Variants in COL5A1 observed in about 807,000 individuals in gnomAD.
COL5A1 encodes the protein collagen alpha-1(V) chain.
COL5A1 carries 16 observed loss-of-function variants against 263.7 expected under a neutral mutation model. The ratio of observed to expected loss-of-function variants is 0.06; its 90% CI spans 0.04 to 0.09. The LOEUF (loss-of-function observed/expected upper bound fraction) is 0.09. Ranked by LOEUF, COL5A1 falls within the 10% of genes least tolerant of loss-of-function variation. The probability of loss-of-function intolerance (pLI) is 1.00; values close to 1 mark genes in which losing one functional copy is unlikely to be tolerated. For synonymous variants in COL5A1, 1,012 were observed against 1,004.5 expected (o/e 1.01, Z -0.14); for missense variants, 2,036 against 2,540.5 (o/e 0.80, Z 4.27).
At chr9:134,706,411 C>G (rs1487166061) in intron 4 of COL5A1, among the ~76,000 whole-genome samples, 1 of 152,158 alleles carries the variant, frequency 6.6e-6, no homozygotes, top group Non-Finnish European at 1.5e-5. Context: ...TTTTCAGAAA[C>G]ATGGCCTCAG....
intron 16 of COL5A1, 110 bp from the exon 17 acceptor site, chr9:134,756,655 G>A (rs1339831580): frequency 1.7e-6 from 2 of 1,189,562 alleles, no homozygotes; most frequent in East Asian, 2.3e-5. Flanking sequence ...CCTTGGGGGT[G>A]GGCGCGGCTC....
At chr9:134,693,559 C>G (rs950083171) in intron 2 of COL5A1, among the ~76,000 whole-genome samples, 1 of 152,146 alleles carries the variant, frequency 6.6e-6, no homozygotes, top group Admixed American at 6.5e-5. Context: ...GCAGGGCTGT[C>G]TACGGAGTCC....
chr9:134,824,006 T>C (rs1042675707), intron 61 of COL5A1, among the ~76,000 whole-genome samples: 4 of 148,124 alleles, frequency 2.7e-5, no homozygotes, highest in African/African-American at 1.0e-4. Flanking sequence ...ATGTCTGGGA[T>C]ATATGTGCAT....
At chr9:134,746,227 G>A (rs1835507548) in intron 11 of COL5A1, among the ~76,000 whole-genome samples, 1 of 152,150 alleles carries the variant, frequency 6.6e-6, no homozygotes, top group African/African-American at 2.4e-5. Flanking sequence ...GCCTGCCCAG[G>A]GTCGGGCCTG....
In COL5A1 at chr9:134,835,180, C is replaced by A; in HGVS notation, c.5346C>A (p.Ile1782=). 6.2e-7 allele frequency: 1 copy of A among 1,613,744 alleles called. No individual in the cohort carries two copies. Among genetic ancestry groups the A allele is most frequent in the South Asian group, 1.1e-5 (1 of 91,090 alleles). Residue 1782 remains isoleucine (I), a synonymous_variant, in exon 65 of 66, where the codon ATC becomes ATA. Coordinates refer to ENST00000371817, the MANE Select transcript of COL5A1 (RefSeq NM_000093.5). The part of the protein sequence containing the change: ...EEMSYDNNPY[I]RALVDGCATK... ...TGTCCTATGACAACAACCCCTACAT[C>A]CGCGCCCTGGTGGACGGCTGTGCTG...
At chr9:134,816,862 G>A (rs954354300) in intron 52 of COL5A1, among the ~76,000 whole-genome samples, 164 bp from the exon 53 acceptor site, 10 of 152,192 alleles carry the variant, frequency 6.6e-5, no homozygotes, top group Non-Finnish European at 1.5e-4. Context: ...GTCACAGCCC[G>A]GGTGCGACAC....
At chr9:134,726,364 A>G (rs934490073) in intron 4 of COL5A1, among the ~76,000 whole-genome samples, 1 of 151,438 alleles carries the variant, frequency 6.6e-6, no homozygotes, top group Non-Finnish European at 1.5e-5. Flanking sequence ...GGATGTATGT[A>G]TCTGGATGGA....
rs1380508934 is a variant in COL5A1 at position 134,681,768 on chromosome 9, T to C, written c.110-9144T>C. ...TAAAATTAGAGTTCTAGCCCGAGAATTGTGAAGACCTCAAGCTTGGGGTTA... is the reference window on the plus strand; with the variant it reads ...TAAAATTAGAGTTCTAGCCCGAGAACTGTGAAGACCTCAAGCTTGGGGTTA... On this transcript the variant is annotated intron_variant, in intron 1 of 65. Transcript: ENST00000371817. The surrounding 1 kb of genome is among the most constrained non-coding windows in gnomAD (Gnocchi z 4.3). Among the ~76,000 whole-genome samples, 1 of 152,160 alleles carries C rather than the reference T, an allele frequency of 6.6e-6. No homozygotes were observed. Among genetic ancestry groups the C allele is most frequent in the East Asian group, 1.9e-4 (1 of 5,190 alleles).
At chr9:134,767,251 G>C in intron 23 of COL5A1, 59 bp from the exon 24 acceptor site, 2 of 1,562,426 alleles carry the variant, frequency 1.3e-6, no homozygotes, top group Non-Finnish European at 1.8e-6. Flanking sequence ...GATGGCAGGG[G>C]AGGGTTCTGA....
At chr9:134,800,555 G>C (rs1027376332) in intron 37 of COL5A1, among the ~76,000 whole-genome samples, 2 of 152,054 alleles carry the variant, frequency 1.3e-5, no homozygotes, top group African/African-American at 2.4e-5. Context: ...GACCAGCCCG[G>C]CCAACATGGT....
rs979632912 is a variant in COL5A1 at position 134,794,916 on chromosome 9, C to T, written c.2701-166C>T. ...TCGGGTGTGCGGTGAGCTTCTCGCC[C>T]TGATAAATCTCCTATTAAAACACGG... On this transcript the variant is annotated intron_variant, in intron 32 of 65. Transcript: ENST00000371817. This position sits in a 1 kb window ranked among gnomAD's most constrained non-coding sequence, Gnocchi z 4.3. Among the ~76,000 whole-genome samples, 2 of 152,176 alleles carry T rather than the reference C, an allele frequency of 1.3e-5. No individual in the cohort carries two copies. Among genetic ancestry groups the T allele is most frequent in the Non-Finnish European group, 2.9e-5 (2 of 68,036 alleles).
At chr9:134,790,628 A>ATCCATCCG (rs2132789480) in intron 32 of COL5A1, among the ~76,000 whole-genome samples, 1 of 134,832 alleles carries the variant, frequency 7.4e-6, no homozygotes, top group South Asian at 2.6e-4. Flanking sequence ...CCATCCATCC[A>ATCCATCCG]TCCATCCATC....
In COL5A1 at chr9:134,802,995, G is replaced by A. The variant is rs754386388; in HGVS notation, c.3114G>A (p.Lys1038=). ...GCCTTGCTGGAAAAGAAGGGACGAA[G>A]GTGAGTTTCTGGAGCCTTCTGTGTC... ...LPGLAGKEGT[K]GDPGPAGLPG... The change falls in exon 39 of 66, where the codon AAG becomes AAA. Residue 1038 remains lysine, a splice_region_variant and synonymous_variant. Transcript: ENST00000371817. 6.3e-7 allele frequency: 1 copy of A among 1,596,164 alleles called. No homozygotes were observed. The highest frequency in any genetic ancestry group is 8.5e-7 in the Non-Finnish European group (1 of 1,171,556).
At chr9:134,734,837 G>C (rs1438054978) in intron 9 of COL5A1, among the ~76,000 whole-genome samples, 1 of 152,218 alleles carries the variant, frequency 6.6e-6, no homozygotes, top group Admixed American at 6.5e-5. Flanking sequence ...AATATGTGCT[G>C]TTTACCAGAT....
chr9:134,764,003 C>T (rs1278154915), intron 20 of COL5A1, among the ~76,000 whole-genome samples: 2 of 83,382 alleles, frequency 2.4e-5, no homozygotes, highest in Admixed American at 1.6e-4. Context: ...CCAGGGGCAG[C>T]GTGGTGGGGT....
intron 4 of COL5A1, among the ~76,000 whole-genome samples, chr9:134,722,343 G>T (rs2132622740): frequency 6.6e-6 from 1 of 152,334 alleles, no homozygotes; most frequent in East Asian, 1.9e-4. Flanking sequence ...CCCGCTTCGT[G>T]GGTGTTCGTT....
At chr9:134,779,214 G>A (rs1014577398) in intron 27 of COL5A1, among the ~76,000 whole-genome samples, 1 of 152,226 alleles carries the variant, frequency 6.6e-6, no homozygotes, top group Non-Finnish European at 1.5e-5. Flanking sequence ...GTAGCCCGAG[G>A]TAGTCTCTCT....
intron 4 of COL5A1, among the ~76,000 whole-genome samples, chr9:134,726,159 G>A (rs899530851): frequency 6.6e-6 from 1 of 152,244 alleles, no homozygotes; most frequent in Non-Finnish European, 1.5e-5. Flanking sequence ...GGGTGAGAGT[G>A]CAGGCTGTTT....
At chr9:134,697,702 T>C (rs994745299) in intron 2 of COL5A1, among the ~76,000 whole-genome samples, 5 of 152,076 alleles carry the variant, frequency 3.3e-5, no homozygotes, top group Non-Finnish European at 5.9e-5. Context: ...CCTTGCCATA[T>C]GGGGTCCCTA....
Sources: allele counts gnomAD v4.1 joint callset (sites outside exome capture counted in the v4.1 genomes callset), GRCh38; gene constraint gnomAD v4.1.1; non-coding constraint Gnocchi (gnomAD v3.1); transcripts MANE v1.5; gene names NCBI Gene and HGNC (gene_info 2026-07-23, HGNC 2026-07-21).